The following PKNOX2 variants were observed in gnomAD, a reference collection of about 807,000 sequenced individuals.
PKNOX2 encodes the protein PBX/knotted 1 homeobox 2, also known as homeobox protein PKNOX2.
PKNOX2 carries 14 observed loss-of-function variants against 53.1 expected under a neutral mutation model. The observed-to-expected ratio is 0.26, with a 90% CI of 0.17 to 0.41. The LOEUF (loss-of-function observed/expected upper bound fraction) is 0.41. PKNOX2 is among the 10% of genes least tolerant of loss of function. The pLI, the probability that PKNOX2 is intolerant of heterozygous loss-of-function variation, is 1.00. For synonymous variants in PKNOX2, 257 were observed against 242.8 expected, an observed-to-expected ratio of 1.06 and a Z score of -0.54; for missense variants, 496 against 602.8, an observed-to-expected ratio of 0.82 and a Z score of 1.85.
intron 2 of PKNOX2, among the ~76,000 whole-genome samples, chr11:125,264,689 C>T (rs1299313672): frequency 1.3e-5 from 2 of 151,388 alleles, no homozygotes; most frequent in African/African-American, 4.9e-5. Context: ...CCTTTTACCC[C>T]CATCCCCTGA....
At chr11:125,261,923 TC>T (rs1475123033) in intron 2 of PKNOX2, among the ~76,000 whole-genome samples, 1 of 152,170 alleles carries the variant, frequency 6.6e-6, no homozygotes, top group Non-Finnish European at 1.5e-5. Flanking sequence ...TCCGAACTGT[TC>T]CCTGAGTCCC....
chr11:125,345,917 C>T (rs1482995512), intron 3 of PKNOX2, among the ~76,000 whole-genome samples: 1 of 152,118 alleles, frequency 6.6e-6, no homozygotes, highest in South Asian at 2.1e-4. Context: ...TTAAAGCGGG[C>T]CCTGCGACGC....
chr11:125,220,318 C>G (rs1462631205), intron 1 of PKNOX2, among the ~76,000 whole-genome samples: 1 of 152,202 alleles, frequency 6.6e-6, no homozygotes, highest in Non-Finnish European at 1.5e-5. Context: ...AAAACACAAA[C>G]ACTGTGCAAA....
rs1217435696 is a variant in PKNOX2 at position 125,238,713 on chromosome 11, AT to A, written c.-130+3599del. ...CATGGAGTTGAGTCTAGGTGAAAGTATGGAATGATTTCCTATTCTGTCCCCT... is the reference window on the plus strand; with the variant it reads ...CATGGAGTTGAGTCTAGGTGAAAGTAGGAATGATTTCCTATTCTGTCCCCT... On this transcript the variant is annotated intron_variant, in intron 2 of 12. Coordinates refer to ENST00000298282, the MANE Select transcript of PKNOX2 (RefSeq NM_001382323.2). 2.6e-5 allele frequency among the ~76,000 whole-genome samples: 4 copies of A among 152,372 alleles called. 1 individual carries two copies. Among genetic ancestry groups the A allele is most frequent in the African/African-American group, 9.6e-5 (4 of 41,600 alleles).
At chr11:125,227,471 C>A (rs138780316) in intron 1 of PKNOX2, among the ~76,000 whole-genome samples, 125 of 152,342 alleles carry the variant, frequency 8.2e-4, no homozygotes, top group African/African-American at 2.8e-3. Context: ...TGGAACCATA[C>A]AGTATTTGTC....
At chr11:125,318,445 C>T (rs1404528942) in intron 2 of PKNOX2, among the ~76,000 whole-genome samples, 1 of 152,034 alleles carries the variant, frequency 6.6e-6, no homozygotes, top group South Asian at 2.1e-4. Context: ...GCAGCTTTCT[C>T]ACCTCTCTCC....
chr11:125,254,150 C>T (rs978476368), intron 2 of PKNOX2, among the ~76,000 whole-genome samples: 1 of 152,156 alleles, frequency 6.6e-6, no homozygotes, highest in Admixed American at 6.5e-5. Flanking sequence ...ACACATCTGA[C>T]GTCCTCAGCA....
chr11:125,342,553 G>A (rs1378918568), intron 3 of PKNOX2, among the ~76,000 whole-genome samples: 4 of 152,202 alleles, frequency 2.6e-5, no homozygotes, highest in Non-Finnish European at 5.9e-5. Flanking sequence ...GGATCCCAGC[G>A]CTGGAGCTGT....
At chr11:125,303,876 T>C (rs1948244221) in intron 2 of PKNOX2, among the ~76,000 whole-genome samples, 1 of 152,270 alleles carries the variant, frequency 6.6e-6, no homozygotes, top group South Asian at 2.1e-4. Flanking sequence ...AGGCTTATGT[T>C]TGCATGTCCA....
intron 2 of PKNOX2, among the ~76,000 whole-genome samples, chr11:125,267,210 G>T (rs534800955): frequency 1.3e-5 from 2 of 152,292 alleles, no homozygotes; most frequent in South Asian, 2.1e-4. Context: ...TAGACGTTTG[G>T]TCAAGCTGGA....
intron 6 of PKNOX2, among the ~76,000 whole-genome samples, chr11:125,394,080 T>C (rs2135434416): frequency 6.6e-6 from 1 of 152,236 alleles, no homozygotes; most frequent in African/African-American, 2.4e-5. Context: ...AAATAAGGCC[T>C]GGAATGGGCT....
intron 1 of PKNOX2, among the ~76,000 whole-genome samples, chr11:125,171,579 C>G (rs531971636): frequency 3.3e-5 from 5 of 152,190 alleles, no homozygotes; most frequent in African/African-American, 1.2e-4. Context: ...GTCCCTAGCA[C>G]GGTGTCTGGC....
intron 2 of PKNOX2, among the ~76,000 whole-genome samples, chr11:125,260,044 G>A (rs1944722651): frequency 6.6e-6 from 1 of 150,682 alleles, no homozygotes; most frequent in South Asian, 2.1e-4. Flanking sequence ...GCTATTTTTT[G>A]CTTGTTTGTT....
chr11:125,411,571 C>T (rs748523140), intron 9 of PKNOX2, 175 bp from the exon 10 acceptor site: 20 of 867,158 alleles, frequency 2.3e-5, no homozygotes, highest in Non-Finnish European at 3.6e-5. Flanking sequence ...CCAAGCCTCA[C>T]CTCCACTCTC....
intron 1 of PKNOX2, among the ~76,000 whole-genome samples, chr11:125,215,270 A>G (rs1940363077): frequency 6.6e-6 from 1 of 152,078 alleles, no homozygotes; most frequent in Non-Finnish European, 1.5e-5. Flanking sequence ...AATGGCTGAA[A>G]GAAAGGCTGG....
In PKNOX2 at chr11:125,166,692, T is replaced by C. The variant is rs1232572098; in HGVS notation, c.-201+1916T>C. Among the ~76,000 whole-genome samples, 10 of 152,052 alleles carry C rather than the reference T, an allele frequency of 6.6e-5. No homozygotes were observed. Among genetic ancestry groups the C allele is most frequent in the Non-Finnish European group, 1.5e-4 (10 of 68,006 alleles). On this transcript the variant is annotated intron_variant, in intron 1 of 12. Transcript: ENST00000298282. The surrounding 1 kb of genome is among the most constrained non-coding windows in gnomAD (Gnocchi z 4.0). ...GGCTGTGGCCCAGGGTAGGACCGGC[T>C]CAAACTCCAGTGCCCTGATTGGAGC...
chr11:125,266,505 T>G (rs918392538), intron 2 of PKNOX2: 4 of 152,142 alleles, frequency 2.6e-5, no homozygotes, highest in African/African-American at 7.2e-5. Flanking sequence ...TATGGATGTG[T>G]GGAGGCAGGA....
chr11:125,324,954 A>T (rs1429941962), intron 2 of PKNOX2, among the ~76,000 whole-genome samples: 5 of 152,140 alleles, frequency 3.3e-5, no homozygotes, highest in African/African-American at 9.7e-5. Context: ...TGAGTTTTGT[A>T]AGGAAAGTAG....
At chr11:125,382,101 C>T (rs556309687) in intron 5 of PKNOX2, among the ~76,000 whole-genome samples, 1 of 152,338 alleles carries the variant, frequency 6.6e-6, no homozygotes, top group Non-Finnish European at 1.5e-5. Flanking sequence ...CATCCCTGTA[C>T]ACATACACAC....
Sources: allele counts gnomAD v4.1 joint callset (sites outside exome capture counted in the v4.1 genomes callset), GRCh38; gene constraint gnomAD v4.1.1; non-coding constraint Gnocchi (gnomAD v3.1); transcripts MANE v1.5; gene names NCBI Gene and HGNC (gene_info 2026-07-23, HGNC 2026-07-21).